Variants in ABCA13 observed in about 807,000 individuals in gnomAD.
The protein encoded by ABCA13 is ATP-binding cassette sub-family A member 13.
Under a neutral mutation model 478.7 loss-of-function variants are expected in ABCA13, and 476 were observed. That is an observed-to-expected ratio of 0.99 (90% confidence interval 0.92 to 1.07). The LOEUF (loss-of-function observed/expected upper bound fraction) is 1.07. ABCA13 is among the 50% of genes least tolerant of loss of function. The pLI, the probability that ABCA13 is intolerant of heterozygous loss-of-function variation, is 0.00. For synonymous variants in ABCA13, 2,252 were observed against 2,158.9 expected, an observed-to-expected ratio of 1.04 and a Z score of -1.20; for missense variants, 6,060 against 5,910.6, an observed-to-expected ratio of 1.03 and a Z score of -0.83.
At chr7:48,425,866 G>A (rs12718267) in intron 41 of ABCA13, among the ~76,000 whole-genome samples, 1 of 151,542 alleles carries the variant, frequency 6.6e-6, no homozygotes, top group South Asian at 2.1e-4. Context: ...CTCAGCCTCC[G>A]GAGTAGCTGG....
intron 7 of ABCA13, among the ~76,000 whole-genome samples, chr7:48,232,455 G>A (rs1262612116): frequency 1.3e-5 from 2 of 152,058 alleles, no homozygotes; most frequent in African/African-American, 2.4e-5. Flanking sequence ...ACTCTCCAGC[G>A]AGTCAAAGCT....
chr7:48,359,051 C>T (rs1421138986), intron 31 of ABCA13, among the ~76,000 whole-genome samples: 5 of 151,960 alleles, frequency 3.3e-5, no homozygotes, highest in Non-Finnish European at 4.4e-5. Context: ...GACCTTGGGC[C>T]AGTTTTGCGC....
At chr7:48,369,740 G>A (rs759066015) in intron 32 of ABCA13, among the ~76,000 whole-genome samples, 3 of 151,954 alleles carry the variant, frequency 2.0e-5, no homozygotes, top group African/African-American at 4.8e-5. Flanking sequence ...TATTCTGTTC[G>A]ATTGGTCTAT....
intron 61 of ABCA13, 108 bp downstream of exon 61, chr7:48,644,862 A>G (rs896726425): frequency 3.4e-6 from 4 of 1,173,902 alleles, no homozygotes; most frequent in Non-Finnish European, 4.6e-6. Flanking sequence ...ACTTTATTCA[A>G]TTCATCTTGT....
chr7:48,192,739 A>T (rs2128895241), intron 1 of ABCA13, among the ~76,000 whole-genome samples: 1 of 152,328 alleles, frequency 6.6e-6, no homozygotes, highest in South Asian at 2.1e-4. Flanking sequence ...GAAAAAGGAA[A>T]GAAGCAAAAG....
chr7:48,325,244 C>T (rs1804142390), intron 27 of ABCA13, among the ~76,000 whole-genome samples: 3 of 152,162 alleles, frequency 2.0e-5, no homozygotes, highest in African/African-American at 7.2e-5. Context: ...CAGGTATGTT[C>T]TGTAAATAGG....
intron 31 of ABCA13, among the ~76,000 whole-genome samples, chr7:48,357,274 A>G (rs2128996165): frequency 6.6e-6 from 1 of 152,028 alleles, no homozygotes; most frequent in East Asian, 1.9e-4. Context: ...TAACTTTATT[A>G]AACACCTCTC....
chr7:48,516,719 T>C lies in ABCA13; in HGVS notation c.13641-6T>C, dbSNP rs377642877. On this transcript the variant is annotated splice_region_variant and splice_polypyrimidine_tract_variant and intron_variant, in intron 51 of 61. Coordinates refer to ENST00000435803, the MANE Select transcript of ABCA13 (RefSeq NM_152701.5). ...AACAAACATTACTTTTCACTTTACT[T>C]TTCAGATATGCAACTCTTCCATGGA... The C allele has an allele frequency of 2.5e-6, 4 of 1,613,120 alleles. No individual in the cohort carries two copies. The highest frequency in any genetic ancestry group is 3.4e-6 in the Non-Finnish European group (4 of 1,179,364).
intron 43 of ABCA13, among the ~76,000 whole-genome samples, chr7:48,460,759 A>T (rs1325910796): frequency 3.9e-5 from 6 of 152,230 alleles, no homozygotes. Flanking sequence ...GTAAAACTCA[A>T]GCTTTTCTGC....
At position 48,235,489 on chromosome 7, in the gene ABCA13, A is replaced by T. The variant is rs557472647; in HGVS notation, c.897+1338A>T. Among the ~76,000 whole-genome samples the T allele has an allele frequency of 3.3e-5, 5 of 152,352 alleles. No individual in the cohort carries two copies. In the East Asian group the frequency reaches 9.6e-4, roughly 29 times the overall value. ...CAACAGAGCTCCATGGAAATTGTAC[A>T]TCATGTGTGTGAGCTTTCTATTGCT... On this transcript the variant is annotated intron_variant, in intron 8 of 61. Transcript: ENST00000435803.
intron 55 of ABCA13, among the ~76,000 whole-genome samples, chr7:48,568,349 A>G (rs1210401559): frequency 6.6e-6 from 1 of 152,034 alleles, no homozygotes; most frequent in Non-Finnish European, 1.5e-5. Context: ...TCTTTTTCTG[A>G]GTTTAATGAG....
chr7:48,451,291 G>A lies in ABCA13; in HGVS notation c.12566-3746G>A, dbSNP rs577375745. On this transcript the variant is annotated intron_variant, in intron 42 of 61. Transcript: ENST00000435803. ...TGGGATTATAGGTGTGAGCCATCGCGCCCAGCAAGATGTTATAAATCACCT... is the reference window on the plus strand; with the variant it reads ...TGGGATTATAGGTGTGAGCCATCGCACCCAGCAAGATGTTATAAATCACCT... 5.1e-4 allele frequency among the ~76,000 whole-genome samples: 77 copies of A among 152,054 alleles called. 1 individual carries two copies. The South Asian group carries it at 6.9e-3, about 14-fold the overall frequency.
At chr7:48,473,615 C>T (rs1778835330) in intron 45 of ABCA13, among the ~76,000 whole-genome samples, 1 of 152,138 alleles carries the variant, frequency 6.6e-6, no homozygotes, top group Non-Finnish European at 1.5e-5. Context: ...GTCAGGGATT[C>T]TCACTGGCAT....
chr7:48,317,875 C>G (rs1422465356), intron 27 of ABCA13, among the ~76,000 whole-genome samples: 1 of 152,186 alleles, frequency 6.6e-6, no homozygotes, highest in Non-Finnish European at 1.5e-5. Context: ...TTTAACCTCT[C>G]TAATCTATTT....
At position 48,412,428 on chromosome 7, in the gene ABCA13, G is replaced by A. The variant is rs760037036; in HGVS notation, c.12304G>A (p.Ala4102Thr). 1.2e-6 allele frequency: 2 copies of A among 1,613,452 alleles called. No homozygotes were observed. The highest frequency in any genetic ancestry group is 2.2e-5 in the South Asian group (2 of 91,048). The change falls in exon 41 of 62, where the codon GCA (alanine) becomes ACA (threonine). Residue 4102 changes from alanine to threonine, a missense_variant. This residue lies in a region of ABCA13 where 1,627 missense variants were observed against 1,571.0 expected (regional missense o/e 1.04). Coordinates refer to ENST00000435803, the MANE Select transcript of ABCA13 (RefSeq NM_152701.5). ...TSLIKIYIPQ[A>T]FLKDSSGSEL... ...CCTGATAAAGATCTATATTCCACAA[G>A]CATTTCTCAAAGACAGCAGTGGAAG...
intron 27 of ABCA13, among the ~76,000 whole-genome samples, chr7:48,319,595 A>T (rs769645052): frequency 1.1e-3 from 161 of 152,272 alleles, no homozygotes; most frequent in Non-Finnish European, 1.8e-3. Context: ...ACTTCTTGTT[A>T]GGTGGAACCA....
At chr7:48,415,269 G>A (rs2129104469) in intron 41 of ABCA13, among the ~76,000 whole-genome samples, 1 of 150,162 alleles carries the variant, frequency 6.7e-6, no homozygotes. Context: ...GCTGCTTCCA[G>A]GGGTAGTTTT....
chr7:48,349,647 G>A (rs1235769460), intron 29 of ABCA13, among the ~76,000 whole-genome samples: 1 of 152,172 alleles, frequency 6.6e-6, no homozygotes, highest in Non-Finnish European at 1.5e-5. Context: ...CTGGGAGCAG[G>A]GAAACCAGTA....
At chr7:48,407,966 G>A (rs1014170047) in intron 39 of ABCA13, among the ~76,000 whole-genome samples, 1 of 152,142 alleles carries the variant, frequency 6.6e-6, no homozygotes, top group Non-Finnish European at 1.5e-5. Context: ...ATCTTCAGGG[G>A]TCTTAGAACC....
Sources: gnomAD v4.1 joint callset for allele counts (sites outside exome capture counted in the v4.1 genomes callset) on GRCh38, gnomAD v4.1.1 for gene constraint, gnomAD v4.1.1 regional missense constraint, MANE v1.5 for transcripts, NCBI Gene and HGNC (gene_info 2026-07-23, HGNC 2026-07-21) for gene names.